TRIM13: variants seen among roughly 807,000 people sequenced by gnomAD.
TRIM13 encodes the protein E3 ubiquitin-protein ligase TRIM13.
In TRIM13, 15 loss-of-function variants were observed where a neutral mutation model predicts 27.1. That is an observed-to-expected ratio of 0.55 (90% CI 0.37 to 0.85). The LOEUF (loss-of-function observed/expected upper bound fraction) is 0.85, where lower values mean the gene tolerates loss of function less well. Among genes scored for constraint, TRIM13 ranks in the 40% least tolerant of loss-of-function variants. TRIM13 has a pLI of 0.00. For synonymous variants in TRIM13, 193 were observed against 171.5 expected (o/e 1.13, Z -0.98); for missense variants, 402 against 472.2 (o/e 0.85, Z 1.38).
Position 50,015,590 on chromosome 13 carries a change from C to T in TRIM13, c.*2426C>T, listed in dbSNP as rs751370278. On this transcript the variant is annotated 3_prime_UTR_variant, in exon 2 of 2. Coordinates refer to ENST00000378182, the MANE Select transcript of TRIM13 (RefSeq NM_213590.3). ...GCAGTTTCCTGCTTCTCGTTTGGCA[C>T]GCATGTTAGATGGCAGAGACCAAGA... The T allele has an allele frequency of 2.5e-5, 41 of 1,613,916 alleles. No individual in the cohort carries two copies. Among genetic ancestry groups the T allele is most frequent in the Non-Finnish European group, 3.1e-5 (37 of 1,179,940 alleles).
chr13:50,013,011 T>C lies in TRIM13; in HGVS notation c.1071T>C (p.Tyr357=), dbSNP rs1282122380. ...WKGCLSNFSS[Y]LTKTADFIEQ... ...GCTGTCTTTCAAACTTCAGTTCCTATCTGACTAAAACAGCCGATTTCATAG... is the reference window on the plus strand; with the variant it reads ...GCTGTCTTTCAAACTTCAGTTCCTACCTGACTAAAACAGCCGATTTCATAG... Residue 357 remains tyrosine, a synonymous_variant, in exon 2 of 2, where the codon TAT becomes TAC. Transcript: ENST00000378182. The C allele has an allele frequency of 6.2e-7, 1 of 1,613,990 alleles. No individual in the cohort carries two copies. The highest frequency in any genetic ancestry group is 1.1e-5 in the South Asian group (1 of 91,056).
At chr13:50,011,837 A>G (rs1398787632) in intron 1 of TRIM13, 98 bp from the exon 2 acceptor site, 5 of 1,400,968 alleles carry the variant, frequency 3.6e-6, no homozygotes, top group Non-Finnish European at 4.8e-6. Flanking sequence ...TATTTCAGTG[A>G]AAAATCATTT....
chr13:50,006,566 T>C (rs1031925583), intron 1 of TRIM13, among the ~76,000 whole-genome samples: 1 of 152,088 alleles, frequency 6.6e-6, no homozygotes, highest in Non-Finnish European at 1.5e-5. Context: ...AAGATGATAG[T>C]AATGGAAGTG....
intron 1 of TRIM13, among the ~76,000 whole-genome samples, chr13:49,999,568 G>A (rs1873767879): frequency 6.6e-6 from 1 of 152,068 alleles, no homozygotes; most frequent in South Asian, 2.1e-4. Context: ...TCCAAGAGAT[G>A]GGATTCTCAA....
At position 50,013,344 on chromosome 13, in the gene TRIM13, G is replaced by T; in HGVS notation, c.*180G>T. On this transcript the variant is annotated 3_prime_UTR_variant, in exon 2 of 2. Transcript: ENST00000378182. ...GATAAAAGTGAAATTTAGTAGTATA[G>T]GCCTGAACCTTTTTTTGTTTAAAAG... 1.8e-6 allele frequency: 1 copy of T among 565,870 alleles called. No homozygotes were observed. Among genetic ancestry groups the T allele is most frequent in the Non-Finnish European group, 2.9e-6 (1 of 345,502 alleles). 35.1% of individuals were successfully genotyped at this position (565,870 alleles called of 1,614,324 possible). A position where few individuals can be genotyped will look rare whatever the true frequency, so the allele number is the denominator to read the frequency against.
At chr13:50,009,704 T>C (rs1875299164) in intron 1 of TRIM13, among the ~76,000 whole-genome samples, 2 of 129,884 alleles carry the variant, frequency 1.5e-5, no homozygotes, top group African/African-American at 3.0e-5. Context: ...ACCACTGCAC[T>C]CCAGCCTGGG....
chr13:50,005,094 C>A (rs1874519826), intron 1 of TRIM13, among the ~76,000 whole-genome samples: 1 of 151,792 alleles, frequency 6.6e-6, no homozygotes. Context: ...AAAAAAACAA[C>A]CAGAAACCCC....
At chr13:50,004,864 T>C (rs1874481246) in intron 1 of TRIM13, among the ~76,000 whole-genome samples, 1 of 150,532 alleles carries the variant, frequency 6.6e-6, no homozygotes, top group African/African-American at 2.4e-5. Flanking sequence ...TTACCTGAGG[T>C]CAGGAGTTTG....
rs1324178363 is a variant in TRIM13 at position 50,017,583 on chromosome 13, C to T, written c.*4419C>T. 1.8e-5 allele frequency: 3 copies of T among 166,944 alleles called. No homozygotes were observed. In the East Asian group the frequency reaches 5.8e-4, roughly 32 times the overall value. 10.3% of individuals were successfully genotyped at this position (166,944 alleles called of 1,614,324 possible). A position where few individuals can be genotyped will look rare whatever the true frequency, so the allele number is the denominator to read the frequency against. ...TTTTAAAATTAGCATTTTCTTGCAT[C>T]ACCAAATGGTATTCAATTGTTTGAA... On this transcript the variant is annotated 3_prime_UTR_variant, in exon 2 of 2. Transcript: ENST00000378182.
Position 50,012,907 on chromosome 13 carries a change from C to G in TRIM13, c.967C>G (p.Leu323Val). Residue 323 changes from leucine to valine, a missense_variant, in exon 2 of 2, where the codon CTG (leucine) becomes GTG (valine). Physicochemically the swap from Leu to Val is conservative, Grantham distance 32 (BLOSUM62 1). This residue lies in a region of TRIM13 where 200 missense variants were observed against 194.7 expected (regional missense o/e 1.03). Transcript: ENST00000378182. Reference protein sequence around the residue: ...SFYKLFLLILLLGLVIVFGPT... With the variant: ...SFYKLFLLILVLGLVIVFGPT... Reference sequence around the variant, plus strand: ...TTATAAGTTATTTTTGCTAATCCTTCTGCTTGGCCTTGTCATTGTCTTTGG... The same window carrying G: ...TTATAAGTTATTTTTGCTAATCCTTGTGCTTGGCCTTGTCATTGTCTTTGG... The G allele has an allele frequency of 1.2e-6, 2 of 1,613,950 alleles. No individual in the cohort carries two copies. Among genetic ancestry groups the G allele is most frequent in the African/African-American group, 1.3e-5 (1 of 75,012 alleles).
rs1249250165 is a variant in TRIM13, at chr13:50,015,348, A to G, written c.*2184A>G. 7 of 663,494 alleles carry G rather than the reference A, an allele frequency of 1.1e-5. 1 individual carries two copies. The highest frequency in any genetic ancestry group is 8.1e-5 in the South Asian group (4 of 49,520). 41.1% of individuals were successfully genotyped at this position (663,494 alleles called of 1,614,324 possible). A position where few individuals can be genotyped will look rare whatever the true frequency, so the allele number is the denominator to read the frequency against. Reference sequence around the variant, plus strand: ...GCCATGGATACACTATTTACCTTACAGTAGTTTCCTGGGAATCTAAGTCTG... The same window carrying G: ...GCCATGGATACACTATTTACCTTACGGTAGTTTCCTGGGAATCTAAGTCTG... On this transcript the variant is annotated 3_prime_UTR_variant, in exon 2 of 2. Transcript: ENST00000378182.
Position 50,016,911 on chromosome 13 carries a change from T to C in TRIM13, c.*3747T>C, listed in dbSNP as rs1420836476. On this transcript the variant is annotated 3_prime_UTR_variant, in exon 2 of 2. Transcript: ENST00000378182. ...GGTAGGCGTATTTTAAGATATTTTCTTAACTTGAGCAGTAGCCAACAGGAA... is the reference window on the plus strand; with the variant it reads ...GGTAGGCGTATTTTAAGATATTTTCCTAACTTGAGCAGTAGCCAACAGGAA... The C allele has an allele frequency of 6.0e-6, 1 of 166,874 alleles. No homozygotes were observed. Among genetic ancestry groups the C allele is most frequent in the African/African-American group, 2.4e-5 (1 of 41,414 alleles). 10.3% of individuals were successfully genotyped at this position (166,874 alleles called of 1,614,324 possible). A position where few individuals can be genotyped will look rare whatever the true frequency, so the allele number is the denominator to read the frequency against.
chr13:50,010,215 ATTTTTTTGGTAT>A (rs929822355), intron 1 of TRIM13, among the ~76,000 whole-genome samples: 1 of 151,542 alleles, frequency 6.6e-6, no homozygotes, highest in Admixed American at 6.6e-5. Context: ...TGGCTGGCTA[ATTTTTTTGGTAT>A]TTTTTTTGTA....
Position 50,014,356 on chromosome 13 carries a change from T to C in TRIM13, c.*1192T>C, listed in dbSNP as rs200626518. ...AAAAAAAAAAAAAAATATATATATATATATACACACACACACACACATATG... is the reference window on the plus strand; with the variant it reads ...AAAAAAAAAAAAAAATATATATATACATATACACACACACACACACATATG... On this transcript the variant is annotated 3_prime_UTR_variant, in exon 2 of 2. Coordinates refer to ENST00000378182, the MANE Select transcript of TRIM13 (RefSeq NM_213590.3). The C allele has an allele frequency of 1.4e-5, 1 of 71,434 alleles. No individual in the cohort carries two copies. Among genetic ancestry groups the C allele is most frequent in the African/African-American group, 4.8e-5 (1 of 20,756 alleles). The allele number at this position is 71,434 out of a possible 1,614,324, so 4.4% of individuals were successfully genotyped here.
At chr13:49,998,913 G>A (rs1168836705) in intron 1 of TRIM13, among the ~76,000 whole-genome samples, 4 of 144,594 alleles carry the variant, frequency 2.8e-5, no homozygotes, top group South Asian at 2.2e-4. Flanking sequence ...CTGGGCAACA[G>A]AGCGAGACTC....
In TRIM13 at chr13:50,015,399, C is replaced by G; in HGVS notation, c.*2235C>G. Reference sequence around the variant, plus strand: ...GTTTTTGTTATTCTTCCCTCCCCTCCACTGCATAATCATGTATAACTAGCA... The same window carrying G: ...GTTTTTGTTATTCTTCCCTCCCCTCGACTGCATAATCATGTATAACTAGCA... On this transcript the variant is annotated 3_prime_UTR_variant, in exon 2 of 2. Transcript: ENST00000378182. The G allele has an allele frequency of 1.1e-6, 1 of 886,888 alleles. No individual in the cohort carries two copies. The highest frequency in any genetic ancestry group is 1.7e-5 in the South Asian group (1 of 59,466). The allele number at this position is 886,888 out of a possible 1,614,324, so 54.9% of individuals were successfully genotyped here.
intron 1 of TRIM13, among the ~76,000 whole-genome samples, chr13:50,009,895 C>G (rs1372820807): frequency 6.6e-6 from 1 of 151,840 alleles, no homozygotes; most frequent in Non-Finnish European, 1.5e-5. Flanking sequence ...TGCCAGTGCA[C>G]TCCAGCTTGG....
Position 50,015,518 on chromosome 13 carries a change from T to A in TRIM13, c.*2354T>A. 6.2e-7 allele frequency: 1 copy of A among 1,613,390 alleles called. No homozygotes were observed. The highest frequency in any genetic ancestry group is 8.5e-7 in the Non-Finnish European group (1 of 1,179,620). On this transcript the variant is annotated 3_prime_UTR_variant, in exon 2 of 2. Coordinates refer to ENST00000378182, the MANE Select transcript of TRIM13 (RefSeq NM_213590.3). ...AATGAGTAGTCAGGAACTGGTCACT[T>A]TGAATGTGGGAGGGAAGATATTCAC...
rs1555325057 is a variant in TRIM13, at chr13:50,014,344, A to AAAAAAAAAATATATAT, written c.*1181_*1182insAAAAAAAATATATATA. 1 of 19,730 alleles carries AAAAAAAAAATATATAT rather than the reference A, an allele frequency of 5.1e-5. No individual in the cohort carries two copies. Among genetic ancestry groups the AAAAAAAAAATATATAT allele is most frequent in the Non-Finnish European group, 8.3e-5 (1 of 12,102 alleles). 1.2% of individuals were successfully genotyped at this position (19,730 alleles called of 1,614,324 possible). A position where few individuals can be genotyped will look rare whatever the true frequency, so the allele number is the denominator to read the frequency against. ...AAAAAAAAAAAAAAAAAAAAAAAAA[A>AAAAAAAAAATATATAT]ATATATATATATATATACACACACA... On this transcript the variant is annotated 3_prime_UTR_variant, in exon 2 of 2. Transcript: ENST00000378182.
Sources: allele counts gnomAD v4.1 joint callset (sites outside exome capture counted in the v4.1 genomes callset), GRCh38; gene constraint gnomAD v4.1.1; regional missense constraint gnomAD v4.1.1; transcripts MANE v1.5; gene names NCBI Gene and HGNC (gene_info 2026-07-23, HGNC 2026-07-21).